The following ATF6 variants were observed in gnomAD, a reference collection of about 807,000 sequenced individuals.
The protein encoded by ATF6 is cyclic AMP-dependent transcription factor ATF-6 alpha.
Under a neutral mutation model 83.6 loss-of-function variants are expected in ATF6, and 53 were observed. The observed-to-expected ratio is 0.63, with a 90% CI of 0.51 to 0.80. The LOEUF (loss-of-function observed/expected upper bound fraction) is 0.80. ATF6 is among the 30% of genes least tolerant of loss of function. The pLI is 0.00. For missense variants in ATF6, 744 were observed against 797.9 expected (o/e 0.93, Z 0.81); for synonymous variants, 288 against 285.8 (o/e 1.01, Z -0.08).
At chr1:161,935,989 C>A (rs7511775) in intron 15 of ATF6, among the ~76,000 whole-genome samples, 1 of 152,224 alleles carries the variant, frequency 6.6e-6, no homozygotes, top group African/African-American at 2.4e-5. Context: ...AGAGAAAAAG[C>A]CTTAATGCCG....
At chr1:161,829,188 A>AATTTTTTTTTTTTTTTTT (rs1474053685) in intron 9 of ATF6, among the ~76,000 whole-genome samples, 1 of 115,614 alleles carries the variant, frequency 8.6e-6, no homozygotes, top group Non-Finnish European at 1.8e-5. Context: ...ATAATGGGAG[A>AATTTTTTTTTTTTTTTTT]CTTTTTTTTT....
chr1:161,871,883 G>C (rs562843632), intron 14 of ATF6, among the ~76,000 whole-genome samples: 2 of 151,486 alleles, frequency 1.3e-5, no homozygotes, highest in Non-Finnish European at 3.0e-5. Flanking sequence ...TTAGAAAGCT[G>C]TAGTATTGCT....
At chr1:161,852,799 G>A (rs1686663044) in intron 11 of ATF6, among the ~76,000 whole-genome samples, 1 of 151,986 alleles carries the variant, frequency 6.6e-6, no homozygotes, top group Non-Finnish European at 1.5e-5. Flanking sequence ...AAAATTTTCT[G>A]TAGAGACAGG....
At chr1:161,953,413 C>T (rs779450132) in intron 15 of ATF6, among the ~76,000 whole-genome samples, 4 of 152,258 alleles carry the variant, frequency 2.6e-5, no homozygotes, top group South Asian at 2.1e-4. Context: ...ACTGTTCTAG[C>T]GAGGCCTATA....
chr1:161,841,548 A>T (rs910784549), intron 9 of ATF6, among the ~76,000 whole-genome samples: 2 of 152,176 alleles, frequency 1.3e-5, no homozygotes, highest in South Asian at 2.1e-4. Context: ...TCTTCAAAAT[A>T]TATTCTAGCC....
intron 12 of ATF6, among the ~76,000 whole-genome samples, chr1:161,855,981 A>G (rs571052913): frequency 1.3e-5 from 2 of 152,322 alleles, no homozygotes; most frequent in South Asian, 2.1e-4. Context: ...ATACATGGGA[A>G]TAGAGAAATG....
rs71798307 is a variant in ATF6 at position 161,920,294 on chromosome 1, C to CTTT, written c.1804+7930_1804+7932dup. 1.2e-3 allele frequency among the ~76,000 whole-genome samples: 65 copies of CTTT among 54,836 alleles called. 12 individuals are homozygous for CTTT. The highest frequency in any genetic ancestry group is 3.6e-3 in the South Asian group (4 of 1,118). 36.0% of individuals were successfully genotyped at this position (54,836 alleles called of 152,430 possible). On this transcript the variant is annotated intron_variant, in intron 15 of 15. Coordinates refer to ENST00000367942, the MANE Select transcript of ATF6 (RefSeq NM_007348.4). The stretch of plus-strand genomic sequence containing the variant: ...TAGTTCTCTTTCTCTCTCTCTCTCT[C>CTTT]TTTTTTTTTTTTTTTTTTGAGACAG...
intron 15 of ATF6, among the ~76,000 whole-genome samples, chr1:161,931,928 C>T (rs572883155): frequency 1.3e-5 from 2 of 152,186 alleles, no homozygotes; most frequent in African/African-American, 2.4e-5. Flanking sequence ...TAAAGGTCTC[C>T]AGTTGTGGAG....
intron 15 of ATF6, among the ~76,000 whole-genome samples, chr1:161,931,935 G>A (rs1478705415): frequency 1.3e-5 from 2 of 152,078 alleles, no homozygotes; most frequent in Non-Finnish European, 2.9e-5. Flanking sequence ...CTCCAGTTGT[G>A]GAGTAGCCTG....
chr1:161,797,517 C>T (rs1342066980), intron 6 of ATF6, among the ~76,000 whole-genome samples: 4 of 152,150 alleles, frequency 2.6e-5, no homozygotes, highest in African/African-American at 9.7e-5. Flanking sequence ...CATTTCTATA[C>T]CCCAGTAATG....
intron 14 of ATF6, among the ~76,000 whole-genome samples, chr1:161,887,220 TG>T (rs1338019977): frequency 6.6e-6 from 1 of 151,562 alleles, no homozygotes. Context: ...TACAGGCATA[TG>T]CCACCACACC....
At chr1:161,920,963 T>C (rs1260452198) in intron 15 of ATF6, among the ~76,000 whole-genome samples, 1 of 151,450 alleles carries the variant, frequency 6.6e-6, no homozygotes, top group Non-Finnish European at 1.5e-5. Flanking sequence ...TTGGAGTCTT[T>C]TTAGTAAGGA....
chr1:161,894,166 G>A (rs1055412883), intron 14 of ATF6, among the ~76,000 whole-genome samples: 1 of 150,530 alleles, frequency 6.6e-6, no homozygotes, highest in African/African-American at 2.4e-5. Flanking sequence ...CCTGTTATTA[G>A]TACTTGTTAC....
At chr1:161,907,190 T>C (rs1687893341) in intron 14 of ATF6, among the ~76,000 whole-genome samples, 1 of 152,228 alleles carries the variant, frequency 6.6e-6, no homozygotes, top group African/African-American at 2.4e-5. Context: ...TTCTAGTTGA[T>C]GCTTTGGCTC....
intron 7 of ATF6, among the ~76,000 whole-genome samples, chr1:161,810,678 A>G (rs987371232): frequency 3.3e-5 from 5 of 152,066 alleles, no homozygotes; most frequent in African/African-American, 9.7e-5. Context: ...GAACTGTACA[A>G]TTTAGTGGTA....
chr1:161,874,505 G>A (rs891302807), intron 14 of ATF6, among the ~76,000 whole-genome samples: 3 of 151,562 alleles, frequency 2.0e-5, no homozygotes, highest in African/African-American at 7.3e-5. Flanking sequence ...CAGTCTACAT[G>A]TAACAGTTAA....
intron 14 of ATF6, among the ~76,000 whole-genome samples, chr1:161,888,077 C>T (rs946492585): frequency 6.6e-6 from 1 of 152,162 alleles, no homozygotes; most frequent in Non-Finnish European, 1.5e-5. Flanking sequence ...TTAACAAGAA[C>T]AGGAAACATT....
intron 14 of ATF6, among the ~76,000 whole-genome samples, chr1:161,899,010 A>G (rs1433022941): frequency 2.6e-5 from 4 of 152,206 alleles, no homozygotes; most frequent in Admixed American, 2.6e-4. Flanking sequence ...AACTAAAGAA[A>G]ATCGTTTCTC....
chr1:161,814,672 G>T (rs1485005367), intron 7 of ATF6, among the ~76,000 whole-genome samples: 1 of 152,104 alleles, frequency 6.6e-6, no homozygotes, highest in Admixed American at 6.5e-5. Context: ...ATAAAATTTT[G>T]ACTGTCATGA....
Sources: allele counts gnomAD v4.1 joint callset (sites outside exome capture counted in the v4.1 genomes callset), GRCh38; gene constraint gnomAD v4.1.1; transcripts MANE v1.5; gene names NCBI Gene and HGNC (gene_info 2026-07-23, HGNC 2026-07-21).